The following PPM1H variants were observed in gnomAD, a reference collection of about 807,000 sequenced individuals.
PPM1H encodes the protein protein phosphatase, Mg2+/Mn2+ dependent 1H.
In PPM1H, 27 loss-of-function variants were observed where a neutral mutation model predicts 54.9. That is an observed-to-expected ratio of 0.49 (90% CI 0.36 to 0.68). The LOEUF is 0.68. Ranked by LOEUF, PPM1H falls within the 30% of genes least tolerant of loss-of-function variation. The pLI is 0.00. For synonymous variants in PPM1H, 305 were observed against 270.8 expected (o/e 1.13, Z -1.24); for missense variants, 596 against 667.8 (o/e 0.89, Z 1.19).
intron 4 of PPM1H, among the ~76,000 whole-genome samples, chr12:62,762,663 C>A (rs2076516680): frequency 6.6e-6 from 1 of 152,216 alleles, no homozygotes; most frequent in Admixed American, 6.5e-5. Flanking sequence ...TCTGTCCAGC[C>A]TGCCACCACT....
intron 1 of PPM1H, among the ~76,000 whole-genome samples, chr12:62,896,433 G>A (rs1206056012): frequency 6.6e-6 from 1 of 152,090 alleles, no homozygotes; most frequent in African/African-American, 2.4e-5. Flanking sequence ...TCAAAAAGTG[G>A]GCGAAGGACA....
chr12:62,729,522 G>C lies in PPM1H; in HGVS notation c.954+7980C>G, dbSNP rs575712721. Reference sequence around the variant, plus strand: ...ATGTGGTAAAGTGCTCTTCTCATACGCATACAAGCTGATGAAGTTTCACAA... The same window carrying C: ...ATGTGGTAAAGTGCTCTTCTCATACCCATACAAGCTGATGAAGTTTCACAA... On this transcript the variant is annotated intron_variant, in intron 5 of 9. Transcript: ENST00000228705. Among the ~76,000 whole-genome samples, 13 of 152,298 alleles carry C rather than the reference G, an allele frequency of 8.5e-5. No homozygotes were observed. In the East Asian group the frequency reaches 2.1e-3, roughly 25 times the overall value.
chr12:62,716,757 TG>T (rs1179647812), intron 6 of PPM1H, among the ~76,000 whole-genome samples: 1 of 151,756 alleles, frequency 6.6e-6, no homozygotes, highest in Admixed American at 6.6e-5. Flanking sequence ...CTTGAACTCC[TG>T]GGCTTAAGTG....
intron 8 of PPM1H, among the ~76,000 whole-genome samples, chr12:62,669,100 T>A (rs2075938758): frequency 6.6e-6 from 1 of 152,256 alleles, no homozygotes; most frequent in East Asian, 1.9e-4. Context: ...GTTTAACATC[T>A]TCTTTCCAAA....
chr12:62,757,756 T>C (rs2076484692), intron 4 of PPM1H, among the ~76,000 whole-genome samples: 2 of 152,234 alleles, frequency 1.3e-5, no homozygotes, highest in South Asian at 2.1e-4. Flanking sequence ...GTGTCCCAAT[T>C]TCTATGGACT....
intron 8 of PPM1H, among the ~76,000 whole-genome samples, chr12:62,676,936 G>A (rs904326291): frequency 6.6e-6 from 1 of 152,188 alleles, no homozygotes; most frequent in Admixed American, 6.5e-5. Context: ...TCCAGGTGGA[G>A]TCCACAGCCT....
At position 62,895,508 on chromosome 12, in the gene PPM1H, CTGCTACGGTT is replaced by C. The variant is rs571271117; in HGVS notation, c.245+38974_245+38983del. ...TTAGAAAGCAAATTCTACTGCCCTA[CTGCTACGGTT>C]TGCATAGGGTTTGTTTGTTTGACCC... On this transcript the variant is annotated intron_variant, in intron 1 of 9. Coordinates refer to ENST00000228705, the MANE Select transcript of PPM1H (RefSeq NM_020700.2). Among the ~76,000 whole-genome samples, 177 of 152,306 alleles carry C rather than the reference CTGCTACGGTT, an allele frequency of 1.2e-3. 1 individual carries two copies. Among genetic ancestry groups the C allele is most frequent in the African/African-American group, 4.2e-3 (174 of 41,568 alleles).
chr12:62,813,508 G>A (rs954097880), intron 2 of PPM1H, among the ~76,000 whole-genome samples: 1 of 152,190 alleles, frequency 6.6e-6, no homozygotes, highest in Non-Finnish European at 1.5e-5. Context: ...CCCATTGCAG[G>A]GGACCTGTGC....
At chr12:62,923,956 A>T (rs1301493376) in intron 1 of PPM1H, among the ~76,000 whole-genome samples, 1 of 130,512 alleles carries the variant, frequency 7.7e-6, no homozygotes, top group African/African-American at 2.7e-5. Flanking sequence ...AAACTATTTG[A>T]TTTAAAAACT....
chr12:62,650,506 G>A (rs1477509584), intron 9 of PPM1H, among the ~76,000 whole-genome samples: 2 of 152,108 alleles, frequency 1.3e-5, no homozygotes, highest in African/African-American at 4.8e-5. Context: ...TCTGAAAATC[G>A]ACATATTGCA....
chr12:62,876,636 C>T (rs1392021437), intron 1 of PPM1H, among the ~76,000 whole-genome samples: 1 of 152,142 alleles, frequency 6.6e-6, no homozygotes, highest in Non-Finnish European at 1.5e-5. Flanking sequence ...TATAGGTCCC[C>T]AGGACGTAGA....
chr12:62,812,317 C>T (rs1250728161), intron 2 of PPM1H, among the ~76,000 whole-genome samples: 3 of 146,924 alleles, frequency 2.0e-5, no homozygotes, highest in African/African-American at 8.1e-5. Context: ...TAACCTAGCT[C>T]TTGACATAAT....
At position 62,644,159 on chromosome 12, in the gene PPM1H, C is replaced by T. The variant is rs1383648879; in HGVS notation, c.*4330G>A. 6.6e-6 allele frequency: 1 copy of T among 152,124 alleles called. No individual in the cohort carries two copies. Among genetic ancestry groups the T allele is most frequent in the African/African-American group, 2.4e-5 (1 of 41,422 alleles). The allele number at this position is 152,124 out of a possible 1,614,324, so 9.4% of individuals were successfully genotyped here. A position where few individuals can be genotyped will look rare whatever the true frequency, so the allele number is the denominator to read the frequency against. On this transcript the variant is annotated 3_prime_UTR_variant, in exon 10 of 10. Transcript: ENST00000228705. ...GGGTTACAAAAAAGTCAATGTTTCA[C>T]AATCACAAAGCATAAAGGTACATGG...
chr12:62,821,890 G>A (rs183220484), intron 2 of PPM1H, among the ~76,000 whole-genome samples: 225 of 152,208 alleles, frequency 1.5e-3, no homozygotes, highest in African/African-American at 4.9e-3. Context: ...CCTAATGACA[G>A]GATCACATTC....
intron 4 of PPM1H, among the ~76,000 whole-genome samples, chr12:62,787,430 C>T (rs1042891508): frequency 4.6e-5 from 7 of 152,170 alleles, no homozygotes; most frequent in Non-Finnish European, 8.8e-5. Flanking sequence ...GTTATGAAAG[C>T]GGTGGAGAAG....
intron 1 of PPM1H, among the ~76,000 whole-genome samples, chr12:62,862,152 A>AG (rs1452772876): frequency 1.3e-5 from 2 of 152,202 alleles, no homozygotes; most frequent in African/African-American, 4.8e-5. Flanking sequence ...TGACAGACCC[A>AG]GAGAGCGGGC....
intron 5 of PPM1H, among the ~76,000 whole-genome samples, chr12:62,722,272 C>T (rs932610887): frequency 2.0e-5 from 3 of 152,072 alleles, no homozygotes; most frequent in Admixed American, 6.5e-5. Context: ...GAATACAATC[C>T]ACTACCCAAG....
chr12:62,913,176 G>C (rs1385234502), intron 1 of PPM1H, among the ~76,000 whole-genome samples: 4 of 152,146 alleles, frequency 2.6e-5, no homozygotes, highest in Non-Finnish European at 5.9e-5. Flanking sequence ...AAATGTTCTA[G>C]AAAGCTTGGG....
At position 62,675,605 on chromosome 12, in the gene PPM1H, T is replaced by C. The variant is rs181595613; in HGVS notation, c.1246-8276A>G. On this transcript the variant is annotated intron_variant, in intron 8 of 9. Transcript: ENST00000228705. ...AGGTGAGGCAGAGAGTGACCATACA[T>C]CCCTGTTTACTCCAATAGTTTTGAT... Among the ~76,000 whole-genome samples the C allele has an allele frequency of 4.2e-3, 647 of 152,356 alleles. 2 individuals carry two copies. Among genetic ancestry groups the C allele is most frequent in the Non-Finnish European group, 7.1e-3 (482 of 68,026 alleles).
Sources: gnomAD v4.1 joint callset for allele counts (sites outside exome capture counted in the v4.1 genomes callset) on GRCh38, gnomAD v4.1.1 for gene constraint, MANE v1.5 for transcripts, NCBI Gene and HGNC (gene_info 2026-07-23, HGNC 2026-07-21) for gene names.